Variants in URB1 observed in about 807,000 individuals in gnomAD.
The protein encoded by URB1 is nucleolar pre-ribosomal-associated protein 1.
A neutral mutation model predicts 242.3 loss-of-function variants in URB1; 197 were observed. That is an observed-to-expected ratio of 0.81 (90% CI 0.72 to 0.91). URB1 has a LOEUF of 0.91. Ranked by LOEUF, URB1 falls within the 40% of genes least tolerant of loss-of-function variation. The pLI is 0.00. For missense variants in URB1, 2,721 were observed against 2,860.5 expected (o/e 0.95, Z 1.11); for synonymous variants, 1,153 against 1,201.8 (o/e 0.96, Z 0.84).
rs2033549377 is a variant in URB1, at chr21:32,383,498, G to A, written c.491C>T (p.Ala164Val). 3 of 1,551,522 alleles carry A rather than the reference G, an allele frequency of 1.9e-6. No homozygotes were observed. In the African/African-American group the frequency reaches 4.1e-5, roughly 21 times the overall value. ...AAAATGGCTGCAGACGTCCCTGGCAGCTTCCGGACCCTGGGTCACCATGGC... is the reference window on the plus strand; with the variant it reads ...AAAATGGCTGCAGACGTCCCTGGCAACTTCCGGACCCTGGGTCACCATGGC... ...MTAMVTQGPE[A>V]ARDVCSHFDL... Residue 164 changes from alanine (A) to valine (V), a missense_variant, in exon 4 of 39, where the codon GCT (alanine) becomes GTT (valine). Coordinates refer to ENST00000382751, the MANE Select transcript of URB1 (RefSeq NM_014825.3).
chr21:32,392,927 G>A lies in URB1; in HGVS notation c.-17C>T. 6.7e-7 allele frequency: 1 copy of A among 1,500,660 alleles called. No individual in the cohort carries two copies. The highest frequency in any genetic ancestry group is 8.9e-7 in the Non-Finnish European group (1 of 1,127,044). The allele number at this position is 1,500,660 out of a possible 1,614,324, so 93.0% of individuals were successfully genotyped here. ...GACCCCCATGGCCGAGAGGGCGGAA[G>A]CGCGACGGAAACGACACACCTGAGG... On this transcript the variant is annotated 5_prime_UTR_variant, in exon 1 of 39. Transcript: ENST00000382751.
At chr21:32,348,759 C>A (rs532862357) in intron 21 of URB1, among the ~76,000 whole-genome samples, 1 of 152,310 alleles carries the variant, frequency 6.6e-6, no homozygotes, top group African/African-American at 2.4e-5. Context: ...CAAGAAAATA[C>A]CTCCCAGAAA....
At chr21:32,315,392 C>T (rs879882384) in intron 38 of URB1, among the ~76,000 whole-genome samples, 7 of 151,836 alleles carry the variant, frequency 4.6e-5, no homozygotes, top group Non-Finnish European at 8.8e-5. Flanking sequence ...CAGCTCACTA[C>T]AGCCTCAACT....
chr21:32,311,758 T>C lies in URB1; in HGVS notation c.*3160A>G, dbSNP rs754268566. On this transcript the variant is annotated 3_prime_UTR_variant, in exon 39 of 39. Coordinates refer to ENST00000382751, the MANE Select transcript of URB1 (RefSeq NM_014825.3). ...CTCCACCTCTGCATCCAGAAGTGCC[T>C]GCCGTGCCACAGGGAACCCCTGGCA... is the stretch of plus-strand genomic sequence containing the variant. 3.1e-6 allele frequency: 5 copies of C among 1,614,120 alleles called. No homozygotes were observed. The South Asian group carries it at 5.5e-5, about 18-fold the overall frequency.
Position 32,316,957 on chromosome 21 carries a change from A to G in URB1, c.6143T>C (p.Met2048Thr), listed in dbSNP as rs1601117068. ...EAEEMADPEL[M>T]ASTLETCKGL... is the part of the protein sequence containing the mutation. ...CTTGCATGTCTCCAAGGTAGATGCC[A>G]TCAGCTCAGGGTCAGCCATCTCCTC... The change falls in exon 38 of 39, where the codon ATG (methionine) becomes ACG (threonine). Residue 2048 changes from methionine to threonine, a missense_variant. Met to Thr is a moderately conservative substitution (Grantham distance 81, BLOSUM62 -1). Coordinates refer to ENST00000382751, the MANE Select transcript of URB1 (RefSeq NM_014825.3). 1.9e-6 allele frequency: 3 copies of G among 1,551,734 alleles called. 1 individual carries two copies. Among genetic ancestry groups the G allele is most frequent in the Non-Finnish European group, 1.7e-6 (2 of 1,146,986 alleles).
intron 30 of URB1, among the ~76,000 whole-genome samples, chr21:32,325,697 C>T (rs1050213241): frequency 3.9e-5 from 6 of 152,164 alleles, no homozygotes; most frequent in South Asian, 2.1e-4. Flanking sequence ...AGACCCACTG[C>T]GGAGACCCCA....
chr21:32,334,902 C>T lies in URB1; in HGVS notation c.4686-568G>A, dbSNP rs555787267. ...GTGTGTGCTATGGACAACCTTCATACCTCAACCGCCACCACAGCTGTCAGA... is the reference window on the plus strand; with the variant it reads ...GTGTGTGCTATGGACAACCTTCATATCTCAACCGCCACCACAGCTGTCAGA... On this transcript the variant is annotated intron_variant, in intron 28 of 38. Coordinates refer to ENST00000382751, the MANE Select transcript of URB1 (RefSeq NM_014825.3). Among the ~76,000 whole-genome samples, 17 of 152,292 alleles carry T rather than the reference C, an allele frequency of 1.1e-4. No individual in the cohort carries two copies. In the East Asian group the frequency reaches 2.7e-3, roughly 24 times the overall value.
Position 32,311,763 on chromosome 21 carries a change from T to C in URB1, c.*3155A>G, listed in dbSNP as rs534626403. 7 of 1,614,116 alleles carry C rather than the reference T, an allele frequency of 4.3e-6. No homozygotes were observed. The South Asian group carries it at 7.7e-5, about 18-fold the overall frequency. On this transcript the variant is annotated 3_prime_UTR_variant, in exon 39 of 39. Transcript: ENST00000382751. ...CCTCTGCATCCAGAAGTGCCTGCCG[T>C]GCCACAGGGAACCCCTGGCAACCTC...
At chr21:32,344,875 A>G (rs1015938055) in intron 23 of URB1, 119 bp from the exon 24 acceptor site, 12 of 1,175,416 alleles carry the variant, frequency 1.0e-5, no homozygotes, top group Non-Finnish European at 1.3e-5. Flanking sequence ...TCCCCACACT[A>G]CCCACTCACA....
At chr21:32,389,465 C>T (rs1222397264) in intron 1 of URB1, among the ~76,000 whole-genome samples, 1 of 152,176 alleles carries the variant, frequency 6.6e-6, no homozygotes, top group African/African-American at 2.4e-5. Context: ...AGGGAAGCAA[C>T]AGCAAGAGAG....
rs111900901 is a variant in URB1, at chr21:32,312,066, G to A, written c.*2852C>T. On this transcript the variant is annotated 3_prime_UTR_variant, in exon 39 of 39. Transcript: ENST00000382751. ...GCCAACCTGGACACATACGTTCCTC[G>A]TTCTTCTTAGAGGCCATTTGCATGT... is the stretch of plus-strand genomic sequence containing the variant. 261 of 1,605,658 alleles carry A rather than the reference G, an allele frequency of 1.6e-4. No homozygotes were observed. In the African/African-American group the frequency reaches 2.7e-3, roughly 17 times the overall value.
At chr21:32,383,763 AT>A (rs1281745718) in intron 3 of URB1, among the ~76,000 whole-genome samples, 3 of 152,216 alleles carry the variant, frequency 2.0e-5, no homozygotes, top group Non-Finnish European at 4.4e-5. Context: ...ACTAAGTAGG[AT>A]TAACAATATA....
chr21:32,392,796 G>C lies in URB1; in HGVS notation c.115C>G (p.Leu39Val). 1.3e-6 allele frequency: 2 copies of C among 1,509,784 alleles called. No homozygotes were observed. Among genetic ancestry groups the C allele is most frequent in the Non-Finnish European group, 1.8e-6 (2 of 1,131,768 alleles). The allele number at this position is 1,509,784 out of a possible 1,614,324, so 93.5% of individuals were successfully genotyped here. A position where few individuals can be genotyped will look rare whatever the true frequency, so the allele number is the denominator to read the frequency against. Residue 39 changes from leucine to valine, a missense_variant, in exon 1 of 39, where the codon CTG (leucine) becomes GTG (valine). Coordinates refer to ENST00000382751, the MANE Select transcript of URB1 (RefSeq NM_014825.3). ...ELTGVRFKAQ[L>V]KDPQGPGPGL... ...GGCCCGGGGCCCTGCGGGTCCTTCAGCTGAGCCTTGAACCGCACGCCCGTG... is the reference window on the plus strand; with the variant it reads ...GGCCCGGGGCCCTGCGGGTCCTTCACCTGAGCCTTGAACCGCACGCCCGTG...
Position 32,314,729 on chromosome 21 carries a change from C to G in URB1, c.*189G>C. On this transcript the variant is annotated 3_prime_UTR_variant, in exon 39 of 39. Transcript: ENST00000382751. ...CTCTGATGCTGGGCACCTACAGGCC[C>G]GAGTTTATCATTTACTGGGCAGTTC... 6.6e-7 allele frequency: 1 copy of G among 1,510,078 alleles called. No individual in the cohort carries two copies. The highest frequency in any genetic ancestry group is 9.2e-7 in the Non-Finnish European group (1 of 1,090,688). 93.5% of individuals were successfully genotyped at this position (1,510,078 alleles called of 1,614,324 possible). A position where few individuals can be genotyped will look rare whatever the true frequency, so the allele number is the denominator to read the frequency against.
intron 30 of URB1, among the ~76,000 whole-genome samples, chr21:32,332,010 C>G (rs915804569): frequency 2.0e-5 from 3 of 152,228 alleles, no homozygotes; most frequent in African/African-American, 7.2e-5. Context: ...CAGGAAAGAC[C>G]TGCAGAGGCC....
chr21:32,348,701 G>C (rs1050706608), intron 21 of URB1, among the ~76,000 whole-genome samples: 1 of 152,178 alleles, frequency 6.6e-6, no homozygotes, highest in Non-Finnish European at 1.5e-5. Context: ...ATTACATATT[G>C]AGAATGCTTT....
intron 20 of URB1, 109 bp downstream of exon 20, chr21:32,350,595 G>GT (rs1352476326): frequency 5.4e-6 from 7 of 1,284,452 alleles, no homozygotes; most frequent in Non-Finnish European, 6.5e-6. Flanking sequence ...TGCCTCTGCA[G>GT]TGAGTTCCAG....
At chr21:32,351,920 GT>G (rs1399158102) in intron 19 of URB1, among the ~76,000 whole-genome samples, 1 of 152,156 alleles carries the variant, frequency 6.6e-6, no homozygotes, top group African/African-American at 2.4e-5. Flanking sequence ...CTGGGCCTCG[GT>G]TTCCCCATAT....
chr21:32,324,656 G>A (rs1400120569), intron 31 of URB1, 54 bp from the exon 32 acceptor site: 26 of 1,373,954 alleles, frequency 1.9e-5, no homozygotes, highest in Non-Finnish European at 2.4e-5. Context: ...CAGAGCTATG[G>A]TCAGTCCTCT....
Sources: allele counts gnomAD v4.1 joint callset (sites outside exome capture counted in the v4.1 genomes callset), GRCh38; gene constraint gnomAD v4.1.1; transcripts MANE v1.5; gene names NCBI Gene and HGNC (gene_info 2026-07-23, HGNC 2026-07-21).